Variants in DLGAP2 observed in about 807,000 individuals in gnomAD.
The protein encoded by DLGAP2 is DLG associated protein 2.
DLGAP2 carries 26 observed loss-of-function variants against 100.3 expected under a neutral mutation model. The observed-to-expected ratio is 0.26, with a 90% CI of 0.19 to 0.36. The LOEUF is 0.36. Ranked by LOEUF, DLGAP2 falls within the 10% of genes least tolerant of loss-of-function variation. DLGAP2 has a pLI of 1.00. For synonymous variants in DLGAP2, 886 were observed against 630.1 expected (o/e 1.41, Z -6.08); for missense variants, 1,858 against 1,453.2 (o/e 1.28, Z -4.53).
chr8:888,697 T>A (rs1385224930), intron 1 of DLGAP2, among the ~76,000 whole-genome samples: 2 of 151,876 alleles, frequency 1.3e-5, no homozygotes, highest in Non-Finnish European at 2.9e-5. Context: ...GACTCACTCC[T>A]GTGCCTGGAG....
intron 3 of DLGAP2, among the ~76,000 whole-genome samples, chr8:1,413,376 T>C (rs1201531772): frequency 1.3e-5 from 2 of 152,062 alleles, no homozygotes; most frequent in Non-Finnish European, 2.9e-5. Context: ...AACAACCTAT[T>C]GAAGAAAGGA....
At chr8:1,659,793 T>C (rs1470554960) in intron 8 of DLGAP2, among the ~76,000 whole-genome samples, 1 of 152,226 alleles carries the variant, frequency 6.6e-6, no homozygotes, top group Non-Finnish European at 1.5e-5. Flanking sequence ...TGACTCTTTA[T>C]CCAGTTTGCC....
chr8:1,259,001 C>A, intron 3 of DLGAP2, 118 bp downstream of exon 3: 1 of 862,704 alleles, frequency 1.2e-6, no homozygotes. Flanking sequence ...AGGACGCAGT[C>A]TGTGTGCTGT....
chr8:932,858 A>G (rs1584901128), intron 2 of DLGAP2, among the ~76,000 whole-genome samples: 3 of 152,348 alleles, frequency 2.0e-5, no homozygotes, highest in African/African-American at 7.2e-5. Context: ...GTTGATAACC[A>G]ACAGTTTGAA....
intron 2 of DLGAP2, among the ~76,000 whole-genome samples, chr8:1,118,487 T>G (rs1795951487): frequency 6.6e-6 from 1 of 152,230 alleles, no homozygotes; most frequent in Non-Finnish European, 1.5e-5. Flanking sequence ...ACAAATGTCT[T>G]CATTATAATC....
chr8:1,270,051 G>T (rs535422374), intron 3 of DLGAP2, among the ~76,000 whole-genome samples: 15 of 152,252 alleles, frequency 9.9e-5, no homozygotes, highest in African/African-American at 3.6e-4. Flanking sequence ...ATACAGTAGC[G>T]GGTGGTCTTT....
At chr8:1,342,122 T>G (rs1308218021) in intron 3 of DLGAP2, among the ~76,000 whole-genome samples, 1 of 151,928 alleles carries the variant, frequency 6.6e-6, no homozygotes, top group Non-Finnish European at 1.5e-5. Context: ...AGCTGATTTT[T>G]CTGTACAGAT....
chr8:971,324 C>T (rs1800008772), intron 2 of DLGAP2, among the ~76,000 whole-genome samples: 1 of 152,148 alleles, frequency 6.6e-6, no homozygotes, highest in East Asian at 1.9e-4. Context: ...TGGAAGTCAC[C>T]ACTGTTATCC....
At chr8:1,190,594 G>A (rs905605474) in intron 2 of DLGAP2, among the ~76,000 whole-genome samples, 2 of 152,322 alleles carry the variant, frequency 1.3e-5, no homozygotes, top group African/African-American at 4.8e-5. Flanking sequence ...GTCGCAATCA[G>A]CATTGAGAGC....
At chr8:758,410 T>C (rs938923704) in intron 1 of DLGAP2, among the ~76,000 whole-genome samples, 12 of 152,236 alleles carry the variant, frequency 7.9e-5, no homozygotes, top group African/African-American at 2.6e-4. Context: ...TATATATTTA[T>C]AGATATTTTA....
chr8:1,596,257 T>C (rs1796456808), intron 6 of DLGAP2, among the ~76,000 whole-genome samples: 1 of 152,226 alleles, frequency 6.6e-6, no homozygotes. Flanking sequence ...CACATTTTCT[T>C]TATGCAGTTT....
intron 4 of DLGAP2, among the ~76,000 whole-genome samples, chr8:1,518,833 A>G (rs976065906): frequency 1.3e-5 from 2 of 152,204 alleles, no homozygotes; most frequent in African/African-American, 4.8e-5. Flanking sequence ...AAATGATTGT[A>G]TGTGTGTGCA....
chr8:1,290,242 G>A (rs540310747), intron 3 of DLGAP2, among the ~76,000 whole-genome samples: 41 of 152,296 alleles, frequency 2.7e-4, no homozygotes, highest in African/African-American at 8.7e-4. Context: ...TGAGAAAGTC[G>A]GGAAAGGAAT....
intron 2 of DLGAP2, among the ~76,000 whole-genome samples, chr8:961,562 T>C (rs1799725871): frequency 6.6e-6 from 1 of 152,246 alleles, no homozygotes; most frequent in South Asian, 2.1e-4. Context: ...GGAGCTGTCC[T>C]GGCTGTGCAA....
intron 2 of DLGAP2, among the ~76,000 whole-genome samples, chr8:1,010,046 G>T (rs768879271): frequency 1.3e-5 from 2 of 152,162 alleles, no homozygotes; most frequent in African/African-American, 2.4e-5. Flanking sequence ...CACTGTTGTT[G>T]CTTTTAATAT....
chr8:1,174,278 A>G (rs1797201785), intron 2 of DLGAP2, among the ~76,000 whole-genome samples: 1 of 151,626 alleles, frequency 6.6e-6, no homozygotes, highest in Non-Finnish European at 1.5e-5. Flanking sequence ...CATCACCACC[A>G]TCATCACCAC....
At chr8:744,927 C>T (rs1444807377) in intron 1 of DLGAP2, among the ~76,000 whole-genome samples, 1 of 152,228 alleles carries the variant, frequency 6.6e-6, no homozygotes, top group Non-Finnish European at 1.5e-5. Context: ...CTTCCCCATC[C>T]CCCAGTCTGT....
At chr8:1,545,332 A>T (rs1801497329) in intron 4 of DLGAP2, among the ~76,000 whole-genome samples, 1 of 152,174 alleles carries the variant, frequency 6.6e-6, no homozygotes, top group Non-Finnish European at 1.5e-5. Flanking sequence ...TTATTGTTAT[A>T]CTTACAATAT....
chr8:1,421,924 C>G (rs1456866908), intron 3 of DLGAP2, among the ~76,000 whole-genome samples: 1 of 152,074 alleles, frequency 6.6e-6, no homozygotes, highest in African/African-American at 2.4e-5. Context: ...CGTGATCATG[C>G]CATTGCACTC....
Sources: allele counts gnomAD v4.1 joint callset (sites outside exome capture counted in the v4.1 genomes callset), GRCh38; gene constraint gnomAD v4.1.1; transcripts MANE v1.5; gene names NCBI Gene and HGNC (gene_info 2026-07-23, HGNC 2026-07-21).